The following STPG2 variants were observed in gnomAD, a reference collection of about 807,000 sequenced individuals.
STPG2 encodes sperm-tail PG-rich repeat-containing protein 2.
In STPG2, 56 loss-of-function variants were observed where a neutral mutation model predicts 54.2. The observed-to-expected ratio is 1.03, with a 90% confidence interval of 0.83 to 1.29. The LOEUF (loss-of-function observed/expected upper bound fraction) is 1.29, where lower values mean the gene tolerates loss of function less well. Among genes scored for constraint, STPG2 ranks in the 50% most tolerant of loss-of-function variants. STPG2 has a pLI of 0.00. For synonymous variants in STPG2, 200 were observed against 181.8 expected (o/e 1.10, Z -0.81); for missense variants, 596 against 544.9 (o/e 1.09, Z -0.93).
intron 5 of STPG2, among the ~76,000 whole-genome samples, chr4:98,008,143 C>CA (rs1735627687): frequency 6.6e-6 from 1 of 152,080 alleles, no homozygotes; most frequent in Non-Finnish European, 1.5e-5. Context: ...TCATGCCATA[C>CA]AGTTATCAGG....
chr4:97,852,031 G>T (rs551541980), intron 8 of STPG2, among the ~76,000 whole-genome samples: 1 of 152,118 alleles, frequency 6.6e-6, no homozygotes, highest in East Asian at 1.9e-4. Flanking sequence ...TTGCAATGTT[G>T]AATGTAAAGA....
chr4:97,445,592 T>C (rs2148793830), intron 4 of STPG2, among the ~76,000 whole-genome samples: 1 of 152,340 alleles, frequency 6.6e-6, no homozygotes, highest in South Asian at 2.1e-4. Flanking sequence ...CAAAATCTGG[T>C]ATTCATTTTA....
rs184363912 is a variant in STPG2 at position 97,674,337 on chromosome 4, G to A, written c.1320+38362C>T. Among the ~76,000 whole-genome samples, 20 of 152,234 alleles carry A rather than the reference G, an allele frequency of 1.3e-4. No individual in the cohort carries two copies. In the East Asian group the frequency reaches 3.9e-3, roughly 29 times the overall value. On this transcript the variant is annotated intron_variant, in intron 10 of 10. Coordinates refer to ENST00000295268, the MANE Select transcript of STPG2 (RefSeq NM_174952.3). ...GAAAATTTTTCAACGTATTATTTCAGGGATATTGTAAATTTTAAATGTGAT... is the reference window on the plus strand; with the variant it reads ...GAAAATTTTTCAACGTATTATTTCAAGGATATTGTAAATTTTAAATGTGAT...
At chr4:97,630,540 A>G (rs1721239911) in intron 10 of STPG2, among the ~76,000 whole-genome samples, 1 of 151,864 alleles carries the variant, frequency 6.6e-6, no homozygotes, top group East Asian at 1.9e-4. Flanking sequence ...AGCATCTGTT[A>G]TTTATGTATA....
At chr4:97,786,128 CA>C (rs1203628929) in intron 9 of STPG2, among the ~76,000 whole-genome samples, 23 of 151,708 alleles carry the variant, frequency 1.5e-4, no homozygotes, top group African/African-American at 5.1e-4. Flanking sequence ...TCTACCACCC[CA>C]AAAAAGTTTC....
intron 4 of STPG2, among the ~76,000 whole-genome samples, chr4:97,462,269 A>AT (rs566230732): frequency 1.4e-4 from 22 of 151,850 alleles, no homozygotes; most frequent in African/African-American, 5.3e-4. Context: ...TGGTCTCTTT[A>AT]TTTTTATGTC....
At chr4:97,929,665 T>C (rs1239045550) in intron 8 of STPG2, among the ~76,000 whole-genome samples, 4 of 152,208 alleles carry the variant, frequency 2.6e-5, no homozygotes, top group East Asian at 1.9e-4. Flanking sequence ...GTTGGCCACA[T>C]GTATGTCTTC....
rs139498259 is a variant in STPG2 at position 97,457,935 on chromosome 4, A to C, written c.462+254764T>G. Among the ~76,000 whole-genome samples the C allele has an allele frequency of 9.5e-3, 1,444 of 152,324 alleles. 8 individuals carry two copies. The highest frequency in any genetic ancestry group is 0.02 in the South Asian group (98 of 4,828). On this transcript the variant is annotated intron_variant, in intron 4 of 4. Transcript: ENST00000522676. ...AGAACTAAACTTTAACACTCATTGCACTGTTAGGTGAAAAAAATAAAGTGA... is the reference window on the plus strand; with the variant it reads ...AGAACTAAACTTTAACACTCATTGCCCTGTTAGGTGAAAAAAATAAAGTGA...
chr4:97,942,742 A>T (rs1262778927), intron 8 of STPG2, among the ~76,000 whole-genome samples: 1 of 152,180 alleles, frequency 6.6e-6, no homozygotes, highest in Non-Finnish European at 1.5e-5. Flanking sequence ...CAAAAATATT[A>T]CAAATCAACT....
intron 10 of STPG2, among the ~76,000 whole-genome samples, chr4:97,663,051 CAATCATATAAATGTTCTGTCACTGTA>C (rs6148586): frequency 0.97 from 146,001 of 151,106 alleles, 70,585 homozygotes; most frequent in Middle Eastern, 1. Flanking sequence ...TTAAATAATG[CAATCATATAAATGTTCTGTCACTGTA>C]AATCATATAA....
chr4:97,706,159 A>G (rs1166664727), intron 10 of STPG2, among the ~76,000 whole-genome samples: 4 of 152,122 alleles, frequency 2.6e-5, no homozygotes, highest in African/African-American at 9.7e-5. Context: ...CATATATAAT[A>G]TATAAAGCAT....
chr4:97,945,088 A>T (rs1353712257), intron 7 of STPG2, among the ~76,000 whole-genome samples: 2 of 152,158 alleles, frequency 1.3e-5, no homozygotes, highest in Non-Finnish European at 2.9e-5. Flanking sequence ...CTTTTGGGGT[A>T]CAAGTGGTTT....
At chr4:97,482,720 T>A (rs972203451) in intron 4 of STPG2, among the ~76,000 whole-genome samples, 1 of 151,596 alleles carries the variant, frequency 6.6e-6, no homozygotes, top group African/African-American at 2.4e-5. Context: ...TCTGGGGAAT[T>A]CATTGCAAAA....
At chr4:97,990,804 T>G (rs1237056356) in intron 5 of STPG2, among the ~76,000 whole-genome samples, 1 of 152,180 alleles carries the variant, frequency 6.6e-6, no homozygotes, top group African/African-American at 2.4e-5. Flanking sequence ...CTTTAAAAAC[T>G]GAAGTATAAT....
chr4:97,906,610 A>C (rs1379492406), intron 8 of STPG2, among the ~76,000 whole-genome samples: 1 of 152,192 alleles, frequency 6.6e-6, no homozygotes, highest in East Asian at 1.9e-4. Context: ...TGATGCAAAA[A>C]TCCTCAATAA....
chr4:97,690,984 C>T (rs973909777), intron 10 of STPG2, among the ~76,000 whole-genome samples: 1 of 152,236 alleles, frequency 6.6e-6, no homozygotes, highest in South Asian at 2.1e-4. Flanking sequence ...CATTATTGCA[C>T]CCGAGTGTCA....
At chr4:97,754,767 A>G (rs897134519) in intron 9 of STPG2, among the ~76,000 whole-genome samples, 1 of 152,092 alleles carries the variant, frequency 6.6e-6, no homozygotes, top group Admixed American at 6.6e-5. Context: ...AATTGAGGCA[A>G]TCTGAGGAGA....
chr4:97,684,780 G>C (rs1723137451), intron 10 of STPG2, among the ~76,000 whole-genome samples: 1 of 151,878 alleles, frequency 6.6e-6, no homozygotes, highest in Non-Finnish European at 1.5e-5. Context: ...TCTGCTCTGA[G>C]AGAAACACTA....
intron 10 of STPG2, among the ~76,000 whole-genome samples, chr4:97,642,828 G>T (rs1193435148): frequency 6.6e-6 from 1 of 151,150 alleles, no homozygotes; most frequent in Non-Finnish European, 1.5e-5. Flanking sequence ...GACTGCAATG[G>T]AATATGTAAA....
Sources: allele counts gnomAD v4.1 joint callset (sites outside exome capture counted in the v4.1 genomes callset), GRCh38; gene constraint gnomAD v4.1.1; transcripts MANE v1.5; gene names NCBI Gene and HGNC (gene_info 2026-07-23, HGNC 2026-07-21).